ASXL3: variants seen among roughly 807,000 people sequenced by gnomAD.
ASXL3 encodes ASXL transcriptional regulator 3, also known as putative Polycomb group protein ASXL3.
In ASXL3, 34 loss-of-function variants were observed where a neutral mutation model predicts 170.6. That is an observed-to-expected ratio of 0.20 (90% CI 0.15 to 0.27). ASXL3 has a LOEUF of 0.27. Among genes scored for constraint, ASXL3 ranks in the 10% least tolerant of loss-of-function variants. The probability of loss-of-function intolerance (pLI) is 1.00; values close to 1 mark genes in which losing one functional copy is unlikely to be tolerated. For synonymous variants in ASXL3, 1,002 were observed against 989.1 expected (o/e 1.01, Z -0.24); for missense variants, 2,592 against 2,695.3 (o/e 0.96, Z 0.85).
intron 7 of ASXL3, among the ~76,000 whole-genome samples, chr18:33,672,188 T>C (rs1283094082): frequency 6.6e-6 from 1 of 152,140 alleles, no homozygotes; most frequent in Admixed American, 6.5e-5. Flanking sequence ...TGCAACTAGG[T>C]TTCACTTTAT....
At chr18:33,618,392 C>G (rs538545429) in intron 2 of ASXL3, among the ~76,000 whole-genome samples, 1 of 152,128 alleles carries the variant, frequency 6.6e-6, no homozygotes, top group South Asian at 2.1e-4. Context: ...TGGGCCTGTT[C>G]TTAGTACTCA....
At chr18:33,668,849 G>A (rs1216829126) in intron 5 of ASXL3, among the ~76,000 whole-genome samples, 1 of 151,830 alleles carries the variant, frequency 6.6e-6, no homozygotes, top group East Asian at 1.9e-4. Flanking sequence ...CTTCTAATTA[G>A]TTCATCTTTT....
chr18:33,592,762 A>G (rs1241603442), intron 1 of ASXL3, among the ~76,000 whole-genome samples: 1 of 152,186 alleles, frequency 6.6e-6, no homozygotes, highest in Admixed American at 6.5e-5. Context: ...ATATAATTAC[A>G]TGCTTCAGAG....
intron 1 of ASXL3, among the ~76,000 whole-genome samples, chr18:33,588,389 T>G (rs2145094725): frequency 6.6e-6 from 1 of 151,368 alleles, no homozygotes; most frequent in Middle Eastern, 3.4e-3. Flanking sequence ...TCATAAAGTA[T>G]TTCATATAAT....
intron 4 of ASXL3, among the ~76,000 whole-genome samples, chr18:33,657,979 T>C (rs574863102): frequency 1.5e-4 from 23 of 152,292 alleles, no homozygotes; most frequent in African/African-American, 5.1e-4. Flanking sequence ...GATTTCAAAG[T>C]ATAAGGTCCT....
rs1294772302 is a variant in ASXL3 at position 33,713,338 on chromosome 18, T to TCCCCCC, written c.880-18628_880-18627insCCCCCC. ...GGCACAATCTTGGCTCACTGCAACC[T>TCCCCCC]CCACCCCCCCCCGGGTTCAAGTGAT... On this transcript the variant is annotated intron_variant, in intron 8 of 11. Coordinates refer to ENST00000269197, the MANE Select transcript of ASXL3 (RefSeq NM_030632.3). 8.6e-4 allele frequency among the ~76,000 whole-genome samples: 54 copies of TCCCCCC among 62,782 alleles called. 1 individual carries two copies. Among genetic ancestry groups the TCCCCCC allele is most frequent in the Non-Finnish European group, 9.7e-4 (35 of 36,234 alleles). 41.2% of individuals were successfully genotyped at this position (62,782 alleles called of 152,430 possible). A position where few individuals can be genotyped will look rare whatever the true frequency, so the allele number is the denominator to read the frequency against.
At chr18:33,641,648 C>G (rs1456731366) in intron 2 of ASXL3, among the ~76,000 whole-genome samples, 1 of 152,024 alleles carries the variant, frequency 6.6e-6, no homozygotes, top group African/African-American at 2.4e-5. Flanking sequence ...CCCAGCCTCC[C>G]CATAGGCAGC....
chr18:33,652,210 C>T (rs920978332), intron 4 of ASXL3, among the ~76,000 whole-genome samples: 1 of 151,838 alleles, frequency 6.6e-6, no homozygotes, highest in Non-Finnish European at 1.5e-5. Flanking sequence ...ATGTTTGTGT[C>T]TGAGTTGTTT....
intron 1 of ASXL3, among the ~76,000 whole-genome samples, chr18:33,580,157 C>T (rs1262311261): frequency 6.6e-6 from 1 of 152,160 alleles, no homozygotes; most frequent in African/African-American, 2.4e-5. Flanking sequence ...TCTGTGATTG[C>T]GTTAATCGCT....
intron 4 of ASXL3, among the ~76,000 whole-genome samples, chr18:33,652,093 C>T (rs1455057038): frequency 6.6e-6 from 1 of 151,934 alleles, no homozygotes; most frequent in African/African-American, 2.4e-5. Flanking sequence ...CTTGATATAT[C>T]CGTGTTGACA....
intron 3 of ASXL3, 38 bp from the exon 4 acceptor site, chr18:33,646,207 A>C: frequency 6.5e-7 from 1 of 1,539,826 alleles, no homozygotes; most frequent in Admixed American, 1.7e-5. Context: ...TTGCTAATAC[A>C]TCTTCTCCAT....
At chr18:33,582,740 G>T (rs7227389) in intron 1 of ASXL3, among the ~76,000 whole-genome samples, 16,475 of 145,422 alleles carry the variant, frequency 0.11, 1,267 homozygotes, top group African/African-American at 0.23. Flanking sequence ...GTGTGTGTGT[G>T]TTTTCTTGGT....
chr18:33,604,293 A>G (rs566415270), intron 1 of ASXL3, among the ~76,000 whole-genome samples: 17 of 152,194 alleles, frequency 1.1e-4, no homozygotes, highest in African/African-American at 3.9e-4. Flanking sequence ...ACGTGGGACT[A>G]TTACATGAAA....
Position 33,745,134 on chromosome 18 carries a change from A to T in ASXL3, c.5286A>T (p.Lys1762Asn). The part of the protein sequence containing the change: ...QLLQGNLPLE[K>N]VLPQPRLGAK... ...TACAGGGCAACCTGCCTTTGGAAAAAGTGTTGCCACAGCCCAGATTGGGAG... is the reference window on the plus strand; with the variant it reads ...TACAGGGCAACCTGCCTTTGGAAAATGTGTTGCCACAGCCCAGATTGGGAG... Residue 1762 changes from lysine to asparagine, a missense_variant, in exon 12 of 12, where the codon AAA becomes AAT. Lys to Asn is a moderately conservative substitution (Grantham distance 94). Transcript: ENST00000269197. 6.2e-7 allele frequency: 1 copy of T among 1,613,982 alleles called. No individual in the cohort carries two copies. Among genetic ancestry groups the T allele is most frequent in the Non-Finnish European group, 8.5e-7 (1 of 1,179,894 alleles).
At chr18:33,618,619 A>G (rs1180546141) in intron 2 of ASXL3, among the ~76,000 whole-genome samples, 1 of 152,148 alleles carries the variant, frequency 6.6e-6, no homozygotes, top group Non-Finnish European at 1.5e-5. Flanking sequence ...TTTATTCAGC[A>G]CATTCTGTGT....
chr18:33,661,878 C>A, intron 5 of ASXL3, 141 bp downstream of exon 5: 2 of 940,850 alleles, frequency 2.1e-6, no homozygotes, highest in Non-Finnish European at 2.9e-6. Flanking sequence ...ATATTCAGTT[C>A]AATAATTTTA....
At chr18:33,580,173 TCTCA>T (rs1489125436) in intron 1 of ASXL3, among the ~76,000 whole-genome samples, 2 of 152,230 alleles carry the variant, frequency 1.3e-5, no homozygotes, top group African/African-American at 2.4e-5. Flanking sequence ...TCGCTAAATC[TCTCA>T]CTCTGTGGAT....
chr18:33,716,598 G>T (rs2067169290), intron 8 of ASXL3, among the ~76,000 whole-genome samples: 1 of 152,094 alleles, frequency 6.6e-6, no homozygotes, highest in Non-Finnish European at 1.5e-5. Flanking sequence ...AGGTGTTTGG[G>T]ATTGGTGTAA....
intron 2 of ASXL3, among the ~76,000 whole-genome samples, chr18:33,623,923 C>T (rs922762108): frequency 2.0e-5 from 3 of 152,174 alleles, no homozygotes; most frequent in Middle Eastern, 3.4e-3. Flanking sequence ...CATTGGGAGG[C>T]CATGGCAGGA....
Sources: allele counts gnomAD v4.1 joint callset (sites outside exome capture counted in the v4.1 genomes callset), GRCh38; gene constraint gnomAD v4.1.1; transcripts MANE v1.5; gene names NCBI Gene and HGNC (gene_info 2026-07-23, HGNC 2026-07-21).